CRTC3: variants seen among roughly 807,000 people sequenced by gnomAD.
The protein encoded by CRTC3 is CREB regulated transcription coactivator 3.
Under a neutral mutation model 74.5 loss-of-function variants are expected in CRTC3, and 26 were observed. The ratio of observed to expected loss-of-function variants is 0.35; its 90% CI spans 0.26 to 0.48. The LOEUF (loss-of-function observed/expected upper bound fraction) is 0.48. CRTC3 is among the 20% of genes least tolerant of loss of function. CRTC3 has a pLI of 0.99. For synonymous variants in CRTC3, 377 were observed against 325.8 expected (o/e 1.16, Z -1.69); for missense variants, 760 against 787.3 (o/e 0.97, Z 0.41).
intron 2 of CRTC3, among the ~76,000 whole-genome samples, chr15:90,551,250 A>C (rs1966855684): frequency 6.6e-6 from 1 of 152,142 alleles, no homozygotes; most frequent in African/African-American, 2.4e-5. Flanking sequence ...GTACTAAGCA[A>C]AAGTCAGTAG....
intron 2 of CRTC3, among the ~76,000 whole-genome samples, chr15:90,590,270 G>A (rs1372269008): frequency 6.6e-6 from 1 of 151,952 alleles, no homozygotes; most frequent in African/African-American, 2.4e-5. Context: ...TCCAGCCTGG[G>A]TGACACAGCA....
chr15:90,596,687 G>A (rs1436387272), intron 3 of CRTC3, among the ~76,000 whole-genome samples: 2 of 152,180 alleles, frequency 1.3e-5, no homozygotes, highest in African/African-American at 2.4e-5. Context: ...ACTTGGAGGA[G>A]GAGGGCTGTG....
At position 90,639,046 on chromosome 15, in the gene CRTC3, A is replaced by G. The variant is rs536945907; in HGVS notation, c.1548+231A>G. Among the ~76,000 whole-genome samples, 3 of 151,938 alleles carry G rather than the reference A, an allele frequency of 2.0e-5. No individual in the cohort carries two copies. The South Asian group carries it at 6.3e-4, about 32-fold the overall frequency. On this transcript the variant is annotated intron_variant, in intron 13 of 14. Coordinates refer to ENST00000268184, the MANE Select transcript of CRTC3 (RefSeq NM_022769.5). ...GAACTATTGGAACAATCGGCAGGAG[A>G]CTTTTGATGACACTCTCGTTGTAGA...
chr15:90,638,494 C>G lies in CRTC3; in HGVS notation c.1315C>G (p.Gln439Glu), dbSNP rs1436617929. 3 of 1,614,076 alleles carry G rather than the reference C, an allele frequency of 1.9e-6. No individual in the cohort carries two copies. Among genetic ancestry groups the G allele is most frequent in the Non-Finnish European group, 2.5e-6 (3 of 1,180,026 alleles). The change falls in exon 12 of 15, where the codon CAA becomes GAA. Residue 439 changes from glutamine to glutamate, a missense_variant. Gln to Glu is a conservative substitution (Grantham distance 29, BLOSUM62 2). This residue lies in a region of CRTC3 where 652 missense variants were observed against 635.2 expected (regional missense o/e 1.03). Coordinates refer to ENST00000268184, the MANE Select transcript of CRTC3 (RefSeq NM_022769.5). ...SQLSFLPTEA[Q>E]AQVSPPPPYP... ...ACTTTCCTTTCTGCCCACAGAAGCTCAAGCCCAGGTGTCGCCGCCACCCCC... is the reference window on the plus strand; with the variant it reads ...ACTTTCCTTTCTGCCCACAGAAGCTGAAGCCCAGGTGTCGCCGCCACCCCC...
At position 90,644,477 on chromosome 15, in the gene CRTC3, A is replaced by G; in HGVS notation, c.*2337A>G. The G allele has an allele frequency of 4.4e-6, 1 of 227,860 alleles. No homozygotes were observed. Among genetic ancestry groups the G allele is most frequent in the African/African-American group, 2.3e-5 (1 of 43,920 alleles). 14.1% of individuals were successfully genotyped at this position (227,860 alleles called of 1,614,324 possible). On this transcript the variant is annotated 3_prime_UTR_variant, in exon 15 of 15. Coordinates refer to ENST00000268184, the MANE Select transcript of CRTC3 (RefSeq NM_022769.5). ...TGCACAGCAGCCACCCTGCCTGGCA[A>G]CAGAGACCCCAAGACCTACACAGTG... is the stretch of plus-strand genomic sequence containing the variant.
chr15:90,565,092 G>A (rs1042539945), intron 2 of CRTC3, among the ~76,000 whole-genome samples: 2 of 152,178 alleles, frequency 1.3e-5, no homozygotes, highest in African/African-American at 4.8e-5. Context: ...ACAGACATGC[G>A]TGACCACGCT....
At chr15:90,598,067 G>A (rs1294452294) in intron 3 of CRTC3, 1 of 195,562 alleles carries the variant, frequency 5.1e-6, no homozygotes, top group Non-Finnish European at 1.0e-5. Flanking sequence ...ACCAGACTCC[G>A]AGCCCACTTA....
intron 9 of CRTC3, among the ~76,000 whole-genome samples, chr15:90,624,676 C>T (rs1429188708): frequency 2.0e-5 from 3 of 152,260 alleles, no homozygotes; most frequent in African/African-American, 7.2e-5. Flanking sequence ...CCCAGCATAG[C>T]GCGCTTCCTG....
intron 2 of CRTC3, among the ~76,000 whole-genome samples, chr15:90,553,848 G>C (rs553054903): frequency 6.6e-6 from 1 of 152,312 alleles, no homozygotes; most frequent in African/African-American, 2.4e-5. Flanking sequence ...TTCCTGAGAA[G>C]TCTATCCATG....
At chr15:90,551,280 C>T (rs1201733826) in intron 2 of CRTC3, among the ~76,000 whole-genome samples, 2 of 152,088 alleles carry the variant, frequency 1.3e-5, no homozygotes, top group Non-Finnish European at 2.9e-5. Flanking sequence ...ACAAATCGTG[C>T]TTAGGAACAA....
rs553652364 is a variant in CRTC3 at position 90,545,813 on chromosome 15, T to G, written c.231+5676T>G. On this transcript the variant is annotated intron_variant, in intron 2 of 14. Coordinates refer to ENST00000268184, the MANE Select transcript of CRTC3 (RefSeq NM_022769.5). ...CAGGATGGTCTCCATCTCCTGACTT[T>G]GTGATCCGCCCGCCTTGGCCTCCCA... is the stretch of plus-strand genomic sequence containing the variant. Among the ~76,000 whole-genome samples, 240 of 152,070 alleles carry G rather than the reference T, an allele frequency of 1.6e-3. 1 individual carries two copies. Among genetic ancestry groups the G allele is most frequent in the Admixed American group, 3.2e-3 (49 of 15,286 alleles).
chr15:90,629,452 T>C lies in CRTC3; in HGVS notation c.1186T>C (p.Ser396Pro). 6.2e-7 allele frequency: 1 copy of C among 1,614,042 alleles called. No individual in the cohort carries two copies. The highest frequency in any genetic ancestry group is 8.5e-7 in the Non-Finnish European group (1 of 1,180,018). Residue 396 changes from serine (S) to proline (P), a missense_variant, in exon 11 of 15, where the codon TCT becomes CCT. Ser to Pro is a moderately conservative substitution (Grantham distance 74). Transcript: ENST00000268184. ...RQPPVSPLTL[S>P]PGPEAHQGFS... ...GCCTCCCGTCAGCCCTCTCACGCTT[T>C]CTCCTGGCCCTGAAGCACATCAAGG...
At chr15:90,630,513 C>A (rs575863219) in intron 11 of CRTC3, among the ~76,000 whole-genome samples, 1 of 152,118 alleles carries the variant, frequency 6.6e-6, no homozygotes, top group African/African-American at 2.4e-5. Context: ...TACTCCAGAG[C>A]GGAGGTGGGA....
rs7172390 is a variant in CRTC3 at position 90,539,769 on chromosome 15, G to A, written c.133-270G>A. 7.0e-3 allele frequency: 2,637 copies of A among 377,040 alleles called. 12 individuals carry two copies. The highest frequency in any genetic ancestry group is 8.5e-3 in the Non-Finnish European group (1,773 of 209,110). The allele number at this position is 377,040 out of a possible 1,614,324, so 23.4% of individuals were successfully genotyped here. On this transcript the variant is annotated intron_variant, in intron 1 of 14. Transcript: ENST00000268184. The stretch of plus-strand genomic sequence containing the variant: ...TATTGTTGTTAAAGATTATGCCAGT[G>A]TATCCAAACATACACACTCAAAGAC...
intron 2 of CRTC3, among the ~76,000 whole-genome samples, chr15:90,558,498 A>G (rs1005592728): frequency 4.0e-5 from 6 of 151,332 alleles, no homozygotes; most frequent in Admixed American, 3.3e-4. Context: ...CACCCTCCTC[A>G]CTCACTCCAT....
chr15:90,616,863 G>C (rs1321949700), intron 7 of CRTC3, among the ~76,000 whole-genome samples: 1 of 152,142 alleles, frequency 6.6e-6, no homozygotes, highest in Non-Finnish European at 1.5e-5. Flanking sequence ...GATCCTCTTG[G>C]TTGTTGGTTC....
At chr15:90,574,596 G>A (rs957613167) in intron 2 of CRTC3, among the ~76,000 whole-genome samples, 1 of 152,188 alleles carries the variant, frequency 6.6e-6, no homozygotes, top group African/African-American at 2.4e-5. Flanking sequence ...TGGGGCACAA[G>A]CATATGCATG....
intron 1 of CRTC3, among the ~76,000 whole-genome samples, chr15:90,534,370 T>C (rs1042710468): frequency 5.3e-5 from 8 of 152,208 alleles, no homozygotes; most frequent in African/African-American, 1.7e-4. Flanking sequence ...AGCAGGCAGC[T>C]GTTTAGATGG....
intron 11 of CRTC3, among the ~76,000 whole-genome samples, chr15:90,630,214 G>T (rs968259079): frequency 6.6e-6 from 1 of 152,174 alleles, no homozygotes; most frequent in South Asian, 2.1e-4. Context: ...AGTTGGCATG[G>T]AAAATCAGTC....
Sources: allele counts gnomAD v4.1 joint callset (sites outside exome capture counted in the v4.1 genomes callset), GRCh38; gene constraint gnomAD v4.1.1; regional missense constraint gnomAD v4.1.1; transcripts MANE v1.5; gene names NCBI Gene and HGNC (gene_info 2026-07-23, HGNC 2026-07-21).